The following SLC8A1 variants were observed in gnomAD, a reference collection of about 807,000 sequenced individuals.
The protein encoded by SLC8A1 is sodium/calcium exchanger 1.
A neutral mutation model predicts 68.3 loss-of-function variants in SLC8A1; 18 were observed. That is an observed-to-expected ratio of 0.26 (90% confidence interval 0.18 to 0.39). SLC8A1 has a LOEUF of 0.39. SLC8A1 is among the 10% of genes least tolerant of loss of function. The pLI, the probability that SLC8A1 is intolerant of heterozygous loss-of-function variation, is 1.00. For synonymous variants in SLC8A1, 475 were observed against 415.5 expected, an observed-to-expected ratio of 1.14 and a Z score of -1.74; for missense variants, 985 against 1,156.7, an observed-to-expected ratio of 0.85 and a Z score of 2.15.
chr2:40,454,843 AG>A, upstream of SLC8A1, among the ~76,000 whole-genome samples: 1 of 152,256 alleles, frequency 6.6e-6, no homozygotes, highest in Non-Finnish European at 1.5e-5. Context: ...GCTGCATCAC[AG>A]GCACAAGGCT....
chr2:40,352,869 C>G (rs1399914189), intron 2 of SLC8A1, among the ~76,000 whole-genome samples: 1 of 152,158 alleles, frequency 6.6e-6, no homozygotes, highest in East Asian at 1.9e-4. Flanking sequence ...TCCCTGTTCT[C>G]CAGTCACGTC....
chr2:40,396,762 A>G (rs1407103858), intron 2 of SLC8A1, among the ~76,000 whole-genome samples: 4 of 61,510 alleles, frequency 6.5e-5, no homozygotes, highest in Non-Finnish European at 9.8e-5. Context: ...AAAAAAAAAA[A>G]AAAAAAAAAA....
chr2:40,317,177 TC>T (rs747529680), intron 2 of SLC8A1, among the ~76,000 whole-genome samples: 37 of 152,026 alleles, frequency 2.4e-4, no homozygotes, highest in Non-Finnish European at 8.8e-5. Context: ...AGGTTAGTTC[TC>T]CCTGACTCAA....
At chr2:40,304,425 G>A (rs1331580522) in intron 2 of SLC8A1, among the ~76,000 whole-genome samples, 2 of 152,128 alleles carry the variant, frequency 1.3e-5, no homozygotes, top group Admixed American at 1.3e-4. Context: ...AGTCCTGGAA[G>A]GACTGTCGCA....
At position 40,429,898 on chromosome 2, in the gene SLC8A1, C is replaced by T; in HGVS notation, c.383G>A (p.Arg128Lys). The T allele has an allele frequency of 6.2e-7, 1 of 1,613,470 alleles. No individual in the cohort carries two copies. Among genetic ancestry groups the T allele is most frequent in the Non-Finnish European group, 8.5e-7 (1 of 1,179,852 alleles). The change falls in exon 2 of 8, where the codon AGG becomes AAG. Residue 128 changes from arginine (R) to lysine (K), a missense_variant. Around this residue, in one of 5 missense-constraint regions of SLC8A1, gnomAD observed 150 missense variants for 160.9 expected, o/e 0.93. Transcript: ENST00000406785. ...GTTAGAAACTGTTTCATTCCAGATC[C>T]TCACAGTTGTCTTGGTGGTCTCTCC...
intron 7 of SLC8A1, 132 bp from the exon 11 acceptor site, chr2:40,115,761 G>T: frequency 1.7e-6 from 2 of 1,171,982 alleles, no homozygotes; most frequent in Non-Finnish European, 2.4e-6. Context: ...TGGCTTTGAT[G>T]TTCCTCTGAG....
chr2:40,352,331 A>G (rs1048135821), intron 2 of SLC8A1, among the ~76,000 whole-genome samples: 1 of 152,186 alleles, frequency 6.6e-6, no homozygotes, highest in African/African-American at 2.4e-5. Context: ...AAAGCTAAAA[A>G]TATGCCATTA....
chr2:40,172,222 T>C (rs373854425), intron 4 of SLC8A1, among the ~76,000 whole-genome samples: 1 of 152,136 alleles, frequency 6.6e-6, no homozygotes, highest in Non-Finnish European at 1.5e-5. Context: ...CAGTAGAGAG[T>C]GGCTCCTAGG....
At chr2:40,482,421 A>G (rs1160251291) in intron 1 of SLC8A1, among the ~76,000 whole-genome samples, 1 of 152,150 alleles carries the variant, frequency 6.6e-6, no homozygotes, top group Non-Finnish European at 1.5e-5. Flanking sequence ...AATTTTGCCA[A>G]GCATATGGCC....
At chr2:40,300,847 T>C (rs2071325381) in intron 2 of SLC8A1, among the ~76,000 whole-genome samples, 1 of 152,174 alleles carries the variant, frequency 6.6e-6, no homozygotes, top group African/African-American at 2.4e-5. Context: ...CAGGACAAAG[T>C]ATTTAACCAA....
intron 6 of SLC8A1, among the ~76,000 whole-genome samples, chr2:40,152,136 T>C (rs400673): frequency 0.79 from 119,648 of 152,108 alleles, 48,166 homozygotes; most frequent in East Asian, 0.99. Context: ...AAAGTTAGAG[T>C]CCTAAATTTC....
intron 2 of SLC8A1, among the ~76,000 whole-genome samples, chr2:40,296,273 G>A (rs1272651559): frequency 6.6e-6 from 1 of 152,116 alleles, no homozygotes; most frequent in African/African-American, 2.4e-5. Flanking sequence ...GACCCCAAGA[G>A]GGAAATGACT....
intron 2 of SLC8A1, among the ~76,000 whole-genome samples, chr2:40,217,813 G>A (rs1291124797): frequency 6.6e-6 from 1 of 152,166 alleles, no homozygotes; most frequent in Non-Finnish European, 1.5e-5. Context: ...TAACTTAATT[G>A]ATAAGTCAAT....
chr2:40,174,878 T>A (rs370006606), intron 3 of SLC8A1, 36 bp from the exon 5 acceptor site: 3 of 1,591,970 alleles, frequency 1.9e-6, no homozygotes, highest in Admixed American at 3.4e-5. Context: ...ATGTTATAAT[T>A]TGACACTCTA....
chr2:40,306,460 G>A (rs111549450), intron 2 of SLC8A1, among the ~76,000 whole-genome samples: 7 of 149,194 alleles, frequency 4.7e-5, no homozygotes, highest in South Asian at 2.2e-4. Context: ...TGTGGGGGGG[G>A]GCATAGCGTG....
intron 2 of SLC8A1, among the ~76,000 whole-genome samples, chr2:40,350,231 C>T (rs1238718489): frequency 1.3e-5 from 2 of 152,112 alleles, no homozygotes; most frequent in East Asian, 3.9e-4. Context: ...CCTACAATCC[C>T]AGCACTTTGG....
chr2:40,178,366 G>A (rs762769852), intron 2 of SLC8A1, 21 bp downstream of exon 3: 13 of 1,595,494 alleles, frequency 8.1e-6, no homozygotes, highest in South Asian at 1.1e-5. Context: ...GTTGGGCTCA[G>A]CCCTGGAGCA....
At chr2:40,127,776 C>T (rs975021520) in intron 7 of SLC8A1, among the ~76,000 whole-genome samples, 4 of 152,072 alleles carry the variant, frequency 2.6e-5, no homozygotes, top group African/African-American at 4.8e-5. Flanking sequence ...GGGGAGCAAT[C>T]GAGGGAGAGA....
At chr2:40,484,776 G>T (rs915591805) in intron 1 of SLC8A1, among the ~76,000 whole-genome samples, 17 of 152,288 alleles carry the variant, frequency 1.1e-4, no homozygotes, top group African/African-American at 4.1e-4. Flanking sequence ...GCTTCTTTTG[G>T]ACTAGATGTG....
Sources: gnomAD v4.1 joint callset for allele counts (sites outside exome capture counted in the v4.1 genomes callset) on GRCh38, gnomAD v4.1.1 for gene constraint, gnomAD v4.1.1 regional missense constraint, MANE v1.5 for transcripts, NCBI Gene and HGNC (gene_info 2026-07-23, HGNC 2026-07-21) for gene names.